FRMPD1: variants seen among roughly 807,000 people sequenced by gnomAD.
FRMPD1 encodes the protein FERM and PDZ domain-containing protein 1.
Under a neutral mutation model 117.8 loss-of-function variants are expected in FRMPD1, and 76 were observed. The ratio of observed to expected loss-of-function variants is 0.65; its 90% confidence interval spans 0.54 to 0.78. The LOEUF (loss-of-function observed/expected upper bound fraction) is 0.78, where lower values mean the gene tolerates loss of function less well. Among genes scored for constraint, FRMPD1 ranks in the 30% least tolerant of loss-of-function variants. FRMPD1 has a pLI of 0.00. For missense variants in FRMPD1, 1,786 were observed against 1,964.5 expected (o/e 0.91, Z 1.72); for synonymous variants, 783 against 770.4 (o/e 1.02, Z -0.27).
intron 5 of FRMPD1, among the ~76,000 whole-genome samples, chr9:37,712,552 C>A (rs182045792): frequency 2.6e-5 from 4 of 152,154 alleles, no homozygotes; most frequent in Non-Finnish European, 5.9e-5. Context: ...GACAGGGTTT[C>A]GCCACATTGG....
intron 6 of FRMPD1, among the ~76,000 whole-genome samples, chr9:37,722,351 A>G (rs1166826414): frequency 1.3e-5 from 2 of 151,738 alleles, no homozygotes; most frequent in Non-Finnish European, 2.9e-5. Context: ...TGCTTAGAAG[A>G]TACAAACACC....
chr9:37,635,891 A>C, the FRMPD1 span, among the ~76,000 whole-genome samples: 2 of 151,934 alleles, frequency 1.3e-5, no homozygotes, highest in Non-Finnish European at 2.9e-5. Context: ...GAAAGGGAGG[A>C]GGTGTTAGCA....
the FRMPD1 span, among the ~76,000 whole-genome samples, chr9:37,622,004 T>G: frequency 6.6e-6 from 1 of 152,332 alleles, no homozygotes; most frequent in African/African-American, 2.4e-5. Context: ...CATACTCAGG[T>G]GTAAATCAGT....
chr9:37,727,107 C>T (rs1823649014), intron 7 of FRMPD1, among the ~76,000 whole-genome samples: 2 of 152,086 alleles, frequency 1.3e-5, no homozygotes, highest in Non-Finnish European at 1.5e-5. Flanking sequence ...GGATAAGCAG[C>T]AGAAGATAAA....
At chr9:37,631,320 C>A in the FRMPD1 span, among the ~76,000 whole-genome samples, 1 of 152,156 alleles carries the variant, frequency 6.6e-6, no homozygotes, top group Non-Finnish European at 1.5e-5. Context: ...ATCTGGAAAC[C>A]AGCAGGATAG....
At chr9:37,654,766 T>C (rs1820789565) in intron 1 of FRMPD1, among the ~76,000 whole-genome samples, 1 of 152,196 alleles carries the variant, frequency 6.6e-6, no homozygotes, top group Non-Finnish European at 1.5e-5. Flanking sequence ...TGTGCACAGG[T>C]ATTATCCTCA....
intron 1 of FRMPD1, among the ~76,000 whole-genome samples, chr9:37,664,241 G>A (rs1023858117): frequency 1.3e-5 from 2 of 152,176 alleles, no homozygotes; most frequent in African/African-American, 4.8e-5. Flanking sequence ...GTGGTGGGGT[G>A]GGGGAGATGC....
chr9:37,649,967 C>T (rs1189633589), upstream of FRMPD1, among the ~76,000 whole-genome samples: 1 of 152,198 alleles, frequency 6.6e-6, no homozygotes, highest in Non-Finnish European at 1.5e-5. Flanking sequence ...TTCAGGTTTC[C>T]ATTTAGAGCA....
At position 37,733,819 on chromosome 9, in the gene FRMPD1, T is replaced by C. The variant is rs1199876607; in HGVS notation, c.1212T>C (p.Thr404=). The C allele has an allele frequency of 1.3e-6, 2 of 1,506,844 alleles. No individual in the cohort carries two copies. Among genetic ancestry groups the C allele is most frequent in the Admixed American group, 3.3e-5 (2 of 59,888 alleles). The allele number at this position is 1,506,844 out of a possible 1,614,324, so 93.3% of individuals were successfully genotyped here. The change falls in exon 12 of 16, where the codon ACT becomes ACC. Residue 404 remains threonine, a synonymous_variant. Coordinates refer to ENST00000377765, the MANE Select transcript of FRMPD1 (RefSeq NM_014907.3). The part of the protein sequence containing the change: ...KTYGGRIFNA[T]LMLQDRESYI... Reference sequence around the variant, plus strand: ...ATGGTGGAAGAATCTTTAATGCTACTTTAATGGTATGTATTAGAGAACTGT... The same window carrying C: ...ATGGTGGAAGAATCTTTAATGCTACCTTAATGGTATGTATTAGAGAACTGT...
chr9:37,654,157 G>A (rs1262773710), intron 1 of FRMPD1, among the ~76,000 whole-genome samples: 2 of 152,194 alleles, frequency 1.3e-5, no homozygotes, highest in East Asian at 1.9e-4. Flanking sequence ...TACCTTCCTG[G>A]AGTTTATATT....
At chr9:37,660,915 T>C (rs1820983645) in intron 1 of FRMPD1, among the ~76,000 whole-genome samples, 2 of 152,200 alleles carry the variant, frequency 1.3e-5, no homozygotes, top group African/African-American at 2.4e-5. Flanking sequence ...ACTACTTCCT[T>C]AGCTGCATCT....
intron 2 of FRMPD1, among the ~76,000 whole-genome samples, chr9:37,695,824 T>A (rs1398826115): frequency 6.6e-6 from 1 of 152,168 alleles, no homozygotes. Context: ...CACTTGCTTT[T>A]TCCCTGTTGC....
chr9:37,711,238 C>T (rs563509826), intron 4 of FRMPD1, 112 bp from the exon 5 acceptor site: 59 of 763,108 alleles, frequency 7.7e-5, no homozygotes, highest in Admixed American at 3.6e-4. Context: ...GCTTTATACT[C>T]ATTCTGCCAG....
chr9:37,626,622 G>GAAAAAAAAAA, the FRMPD1 span, among the ~76,000 whole-genome samples: 36 of 48,598 alleles, frequency 7.4e-4, 4 homozygotes, highest in African/African-American at 2.1e-3. Flanking sequence ...CCTGGTATCT[G>GAAAAAAAAAA]AAAAAAAAAA....
the FRMPD1 span, among the ~76,000 whole-genome samples, chr9:37,624,403 C>A: frequency 6.6e-6 from 1 of 152,190 alleles, no homozygotes; most frequent in Non-Finnish European, 1.5e-5. Flanking sequence ...GAACGGGAAG[C>A]AAATGGAGAC....
chr9:37,678,323 C>T (rs1311717771), intron 1 of FRMPD1, among the ~76,000 whole-genome samples: 5 of 134,664 alleles, frequency 3.7e-5, no homozygotes, highest in Non-Finnish European at 6.1e-5. Flanking sequence ...TGCAGTGGTG[C>T]AATCTCGGCT....
At chr9:37,661,441 A>G (rs959999470) in intron 1 of FRMPD1, among the ~76,000 whole-genome samples, 1 of 152,242 alleles carries the variant, frequency 6.6e-6, no homozygotes, top group African/African-American at 2.4e-5. Context: ...TATTCAATAA[A>G]TGTTAATATT....
At chr9:37,727,780 G>A (rs1375334714) in intron 7 of FRMPD1, 1 of 152,092 alleles carries the variant, frequency 6.6e-6, no homozygotes, top group Admixed American at 6.5e-5. Context: ...GACCCTTCAG[G>A]ACTAGTCACT....
chr9:37,684,794 C>T (rs1196819308), intron 1 of FRMPD1, among the ~76,000 whole-genome samples: 1 of 152,170 alleles, frequency 6.6e-6, no homozygotes, highest in Non-Finnish European at 1.5e-5. Context: ...TACTCTGTCA[C>T]CCAGGCTACA....
Sources: allele counts gnomAD v4.1 joint callset (sites outside exome capture counted in the v4.1 genomes callset), GRCh38; gene constraint gnomAD v4.1.1; transcripts MANE v1.5; gene names NCBI Gene and HGNC (gene_info 2026-07-23, HGNC 2026-07-21).